The following CNTNAP2 variants were observed in gnomAD, a reference collection of about 807,000 sequenced individuals.
CNTNAP2 encodes the protein contactin-associated protein-like 2.
Under a neutral mutation model 155.2 loss-of-function variants are expected in CNTNAP2, and 98 were observed. The observed-to-expected ratio is 0.63, with a 90% CI of 0.54 to 0.75. The LOEUF (loss-of-function observed/expected upper bound fraction) is 0.75. Among genes scored for constraint, CNTNAP2 ranks in the 30% least tolerant of loss-of-function variants. The pLI, the probability that CNTNAP2 is intolerant of heterozygous loss-of-function variation, is 0.00. For missense variants in CNTNAP2, 1,727 were observed against 1,688.1 expected, an observed-to-expected ratio of 1.02 and a Z score of -0.40; for synonymous variants, 651 against 631.2, an observed-to-expected ratio of 1.03 and a Z score of -0.47.
intron 11 of CNTNAP2, among the ~76,000 whole-genome samples, chr7:147,535,850 T>C (rs1799529112): frequency 6.6e-6 from 1 of 152,246 alleles, no homozygotes; most frequent in Non-Finnish European, 1.5e-5. Flanking sequence ...TCTGCAGCAA[T>C]GTACTGGAAC....
At chr7:146,423,787 T>A (rs1391533860) in intron 1 of CNTNAP2, among the ~76,000 whole-genome samples, 2 of 152,236 alleles carry the variant, frequency 1.3e-5, no homozygotes, top group African/African-American at 2.4e-5. Context: ...ATTTCTAGAA[T>A]ATATCAGAAG....
chr7:148,112,733 T>C (rs901817072), intron 15 of CNTNAP2, among the ~76,000 whole-genome samples: 1 of 152,046 alleles, frequency 6.6e-6, no homozygotes, highest in African/African-American at 2.4e-5. Flanking sequence ...ATTTAGCTAT[T>C]TGGGGAGAAT....
intron 8 of CNTNAP2, among the ~76,000 whole-genome samples, chr7:147,233,967 T>A (rs1266049141): frequency 6.6e-6 from 1 of 150,488 alleles, no homozygotes; most frequent in African/African-American, 2.4e-5. Flanking sequence ...CACTTTTAAA[T>A]ACCTATGTTT....
intron 3 of CNTNAP2, among the ~76,000 whole-genome samples, chr7:146,841,887 C>CTT (rs71929031): frequency 0.014 from 2,105 of 145,886 alleles, 42 homozygotes; most frequent in African/African-American, 0.046. Flanking sequence ...GTCTTGGAGT[C>CTT]TTTTTTTTTT....
At chr7:148,034,221 C>T (rs1042338565) in intron 15 of CNTNAP2, among the ~76,000 whole-genome samples, 4 of 152,196 alleles carry the variant, frequency 2.6e-5, no homozygotes, top group African/African-American at 9.7e-5. Context: ...GTAGCACCCA[C>T]ATTAGAGGTT....
At chr7:147,584,704 C>T (rs2158640) in intron 12 of CNTNAP2, among the ~76,000 whole-genome samples, 105,706 of 152,114 alleles carry the variant, frequency 0.69, 37,389 homozygotes, top group African/African-American at 0.82. Context: ...CCACTATTAC[C>T]GATGTGAAAA....
intron 2 of CNTNAP2, among the ~76,000 whole-genome samples, chr7:146,797,474 A>G (rs1482820398): frequency 6.6e-6 from 1 of 152,214 alleles, no homozygotes; most frequent in Non-Finnish European, 1.5e-5. Flanking sequence ...CATACAGACT[A>G]TTTCACTAAT....
At chr7:147,527,589 G>A (rs976377730) in intron 11 of CNTNAP2, among the ~76,000 whole-genome samples, 5 of 152,116 alleles carry the variant, frequency 3.3e-5, no homozygotes, top group African/African-American at 9.7e-5. Context: ...CAAAATAATA[G>A]TTAGTTTTTA....
chr7:146,319,858 A>G (rs1370630212), intron 1 of CNTNAP2, among the ~76,000 whole-genome samples: 6 of 152,106 alleles, frequency 3.9e-5, no homozygotes, highest in Non-Finnish European at 7.4e-5. Flanking sequence ...GCTGCTGACT[A>G]ATATGTCCCT....
At chr7:147,291,105 C>T (rs1253113174) in intron 8 of CNTNAP2, among the ~76,000 whole-genome samples, 1 of 152,112 alleles carries the variant, frequency 6.6e-6, no homozygotes, top group African/African-American at 2.4e-5. Context: ...CCCACCTTCC[C>T]ATAGACAGCT....
intron 2 of CNTNAP2, among the ~76,000 whole-genome samples, chr7:146,788,696 T>C (rs1049832403): frequency 1.2e-4 from 18 of 152,194 alleles, no homozygotes; most frequent in African/African-American, 4.3e-4. Context: ...GATAGATCAG[T>C]CTTCTTAAAC....
chr7:147,721,961 T>C (rs1371047407), intron 13 of CNTNAP2, among the ~76,000 whole-genome samples: 2 of 152,158 alleles, frequency 1.3e-5, no homozygotes, highest in African/African-American at 4.8e-5. Context: ...ATACCAGACA[T>C]CTTAGTCCTG....
intron 9 of CNTNAP2, among the ~76,000 whole-genome samples, chr7:147,341,672 T>G (rs1466720280): frequency 1.3e-5 from 2 of 148,870 alleles, no homozygotes; most frequent in Admixed American, 1.4e-4. Context: ...TAGGATGATC[T>G]TGATCAGTAT....
At chr7:148,130,913 C>G (rs949013360) in intron 16 of CNTNAP2, among the ~76,000 whole-genome samples, 1 of 152,128 alleles carries the variant, frequency 6.6e-6, no homozygotes, top group East Asian at 1.9e-4. Flanking sequence ...AGGTGCATTG[C>G]CTGGAAAGTA....
chr7:147,979,072 A>C (rs1330200450), intron 15 of CNTNAP2, among the ~76,000 whole-genome samples: 1 of 152,230 alleles, frequency 6.6e-6, no homozygotes, highest in Non-Finnish European at 1.5e-5. Context: ...AGATGTCCTA[A>C]GGAACGTAAT....
At chr7:146,475,901 G>T (rs140499361) in intron 1 of CNTNAP2, among the ~76,000 whole-genome samples, 2 of 152,190 alleles carry the variant, frequency 1.3e-5, no homozygotes, top group African/African-American at 2.4e-5. Context: ...AGAAGCTGAA[G>T]AATTTAGTTT....
At chr7:147,071,798 A>G (rs556378234) in intron 4 of CNTNAP2, among the ~76,000 whole-genome samples, 58 of 152,322 alleles carry the variant, frequency 3.8e-4, no homozygotes, top group African/African-American at 1.4e-3. Context: ...GAGGATCACA[A>G]ATATCTTGTT....
chr7:148,085,656 G>T lies in CNTNAP2; in HGVS notation c.2384-32462G>T, dbSNP rs1803711253. 2.6e-5 allele frequency among the ~76,000 whole-genome samples: 4 copies of T among 152,118 alleles called. No individual in the cohort carries two copies. In the South Asian group the frequency reaches 8.3e-4, roughly 32 times the overall value. On this transcript the variant is annotated intron_variant, in intron 15 of 23. Coordinates refer to ENST00000361727, the MANE Select transcript of CNTNAP2 (RefSeq NM_014141.6). ...TTTTGACAATCTGAGAATCTTCTAT[G>T]ATTAAATATATTCTTTCTTCCTTTC...
intron 1 of CNTNAP2, among the ~76,000 whole-genome samples, chr7:146,666,032 T>C (rs13227236): frequency 0.59 from 89,767 of 151,670 alleles, 30,903 homozygotes; most frequent in South Asian, 0.85. Context: ...TTTGAAACTA[T>C]AAAGTATATG....
Sources: gnomAD v4.1 joint callset for allele counts (sites outside exome capture counted in the v4.1 genomes callset) on GRCh38, gnomAD v4.1.1 for gene constraint, MANE v1.5 for transcripts, NCBI Gene and HGNC (gene_info 2026-07-23, HGNC 2026-07-21) for gene names.